NTM: variants seen among roughly 807,000 people sequenced by gnomAD.
NTM encodes IgLON family member 2.
In NTM, 13 loss-of-function variants were observed where a neutral mutation model predicts 42.1. That is an observed-to-expected ratio of 0.31 (90% CI 0.20 to 0.49). The LOEUF is 0.49. Ranked by LOEUF, NTM falls within the 20% of genes least tolerant of loss-of-function variation. NTM has a pLI of 0.99. For synonymous variants in NTM, 187 were observed against 179.2 expected (o/e 1.04, Z -0.35); for missense variants, 373 against 452.8 (o/e 0.82, Z 1.60).
chr11:132,325,397 C>A lies in NTM; in HGVS notation c.935-4756C>A, dbSNP rs143077428. ...TTCTCAAAAGAAGAGATTTATGCAG[C>A]CAAAAAACACATGAATAAATGCTCA... is the stretch of plus-strand genomic sequence containing the variant. On this transcript the variant is annotated intron_variant, in intron 7 of 8. Coordinates refer to ENST00000683400, the MANE Select transcript of NTM (RefSeq NM_001352005.2). Among the ~76,000 whole-genome samples the A allele has an allele frequency of 4.5e-3, 684 of 152,242 alleles. 7 individuals carry two copies. The highest frequency in any genetic ancestry group is 0.016 in the African/African-American group (656 of 41,522).
At chr11:131,633,768 T>TCCCTCTCTCTCCCTCC (rs1565355350) in intron 1 of NTM, among the ~76,000 whole-genome samples, 1 of 50,206 alleles carries the variant, frequency 2.0e-5, no homozygotes, top group Admixed American at 2.4e-4. Context: ...TCTCTCTCCC[T>TCCCTCTCTCTCCCTCC]CTCTCTCTCT....
chr11:131,776,713 C>T (rs1307283056), intron 1 of NTM, among the ~76,000 whole-genome samples: 1 of 152,102 alleles, frequency 6.6e-6, no homozygotes, highest in Non-Finnish European at 1.5e-5. Context: ...TTTCCCTATA[C>T]ATAAATTCCA....
chr11:131,642,533 G>A (rs1000365885), intron 1 of NTM, among the ~76,000 whole-genome samples: 1 of 152,166 alleles, frequency 6.6e-6, no homozygotes, highest in South Asian at 2.1e-4. Context: ...AATTTGTGGG[G>A]CTGATTAGTT....
intron 1 of NTM, among the ~76,000 whole-genome samples, chr11:131,469,733 A>G (rs933894027): frequency 3.3e-5 from 5 of 152,222 alleles, no homozygotes; most frequent in Non-Finnish European, 7.3e-5. Context: ...TCATCTATAA[A>G]GTAGAAAAAT....
chr11:131,767,088 T>C, intron 1 of NTM: 2 of 944,278 alleles, frequency 2.1e-6, no homozygotes, highest in Non-Finnish European at 2.5e-6. Context: ...CTTTTGTACC[T>C]AGAACTCTGG....
intron 1 of NTM, among the ~76,000 whole-genome samples, chr11:131,468,810 TTC>T (rs1050459472): frequency 6.6e-6 from 1 of 152,168 alleles, no homozygotes; most frequent in African/African-American, 2.4e-5. Flanking sequence ...GCTAGGAACT[TTC>T]TGTTTTGACA....
chr11:131,910,535 G>C (rs1212771599), intron 1 of NTM, among the ~76,000 whole-genome samples: 1 of 151,430 alleles, frequency 6.6e-6, no homozygotes, highest in South Asian at 2.1e-4. Context: ...CGCTCGCTCC[G>C]AGGCGGCACC....
chr11:132,151,152 C>T (rs879369468), intron 3 of NTM, among the ~76,000 whole-genome samples: 2 of 152,178 alleles, frequency 1.3e-5, no homozygotes, highest in Admixed American at 1.3e-4. Context: ...CTTAATCCTG[C>T]TACCAAACCG....
chr11:132,115,453 A>T (rs2063749964), intron 2 of NTM, among the ~76,000 whole-genome samples: 1 of 152,258 alleles, frequency 6.6e-6, no homozygotes, highest in African/African-American at 2.4e-5. Flanking sequence ...TTTGTCAATT[A>T]TTCCCCAAGA....
At chr11:131,855,784 G>T (rs1384800090) in intron 1 of NTM, among the ~76,000 whole-genome samples, 2 of 152,070 alleles carry the variant, frequency 1.3e-5, no homozygotes, top group East Asian at 3.9e-4. Context: ...GCCCTAGGAG[G>T]TCTTTAAGCT....
chr11:131,505,278 C>T (rs931530381), intron 1 of NTM, among the ~76,000 whole-genome samples: 6 of 152,142 alleles, frequency 3.9e-5, no homozygotes, highest in Admixed American at 2.0e-4. Context: ...GTAATGCTAA[C>T]AACGATCATT....
At chr11:131,527,411 C>T (rs530417638) in intron 1 of NTM, among the ~76,000 whole-genome samples, 2 of 152,346 alleles carry the variant, frequency 1.3e-5, no homozygotes, top group South Asian at 4.1e-4. Context: ...ATTCACTGCA[C>T]ATGACCACCA....
intron 1 of NTM, among the ~76,000 whole-genome samples, chr11:131,896,702 T>C (rs889463591): frequency 3.7e-5 from 5 of 136,468 alleles, no homozygotes; most frequent in African/African-American, 1.2e-4. Flanking sequence ...TTTTTTTTTT[T>C]CTCTGAGACG....
At chr11:132,088,886 A>C (rs766266552) in intron 2 of NTM, among the ~76,000 whole-genome samples, 6 of 146,496 alleles carry the variant, frequency 4.1e-5, no homozygotes, top group Non-Finnish European at 9.0e-5. Flanking sequence ...TTATTAACTG[A>C]AGAAAAATGG....
chr11:131,890,711 C>G (rs2051190436), intron 1 of NTM, among the ~76,000 whole-genome samples: 1 of 152,162 alleles, frequency 6.6e-6, no homozygotes, highest in Admixed American at 6.5e-5. Flanking sequence ...GAACGAGCTC[C>G]TCGTGAAAAG....
intron 1 of NTM, among the ~76,000 whole-genome samples, chr11:131,578,916 C>T (rs987742484): frequency 2.0e-5 from 3 of 152,084 alleles, no homozygotes; most frequent in Non-Finnish European, 4.4e-5. Flanking sequence ...TTCACAAGGC[C>T]TGGAAGCTTA....
intron 1 of NTM, among the ~76,000 whole-genome samples, chr11:131,472,584 A>C (rs1952540805): frequency 6.6e-6 from 1 of 152,114 alleles, no homozygotes. Flanking sequence ...CAAGTTAGCA[A>C]ATGTTAGGTG....
At chr11:131,524,218 C>T (rs2050151379) in intron 1 of NTM, among the ~76,000 whole-genome samples, 1 of 152,166 alleles carries the variant, frequency 6.6e-6, no homozygotes, top group South Asian at 2.1e-4. Context: ...CTGTGGAAGG[C>T]CATGCCCACA....
chr11:131,982,392 G>A (rs898442160), intron 2 of NTM, among the ~76,000 whole-genome samples: 2 of 152,166 alleles, frequency 1.3e-5, no homozygotes, highest in African/African-American at 4.8e-5. Context: ...GAAAGGAGCT[G>A]GAGAAGGGAA....
Sources: gnomAD v4.1 joint callset for allele counts (sites outside exome capture counted in the v4.1 genomes callset) on GRCh38, gnomAD v4.1.1 for gene constraint, MANE v1.5 for transcripts, NCBI Gene and HGNC (gene_info 2026-07-23, HGNC 2026-07-21) for gene names.